The following FARP2 variants were observed in gnomAD, a reference collection of about 807,000 sequenced individuals.
The protein encoded by FARP2 is FERM, ARHGEF and pleckstrin domain-containing protein 2.
In FARP2, 111 loss-of-function variants were observed where a neutral mutation model predicts 130.5. The ratio of observed to expected loss-of-function variants is 0.85; its 90% CI spans 0.73 to 1.00. The LOEUF is 1.00. Ranked by LOEUF, FARP2 falls within the 50% of genes least tolerant of loss-of-function variation. FARP2 has a pLI of 0.00. For missense variants in FARP2, 1,385 were observed against 1,346.3 expected (o/e 1.03, Z -0.45); for synonymous variants, 504 against 516.9 (o/e 0.98, Z 0.34).
chr2:241,466,677 CCCCTT>C, intron 17 of FARP2: 1 of 829,102 alleles, frequency 1.2e-6, no homozygotes, highest in Non-Finnish European at 1.4e-6. Flanking sequence ...CGCCTTCACT[CCCCTT>C]CCAACCACCC....
chr2:241,375,535 G>A (rs2061517209), intron 2 of FARP2, among the ~76,000 whole-genome samples: 1 of 151,962 alleles, frequency 6.6e-6, no homozygotes, highest in Admixed American at 6.6e-5. Context: ...CCTTTACTGA[G>A]TATGAGTCAT....
At chr2:241,415,209 GCTC>G (rs1398346779) in intron 7 of FARP2, among the ~76,000 whole-genome samples, 7 of 152,160 alleles carry the variant, frequency 4.6e-5, no homozygotes, top group African/African-American at 1.7e-4. Context: ...TACAGGTAGA[GCTC>G]CTGCTCTATT....
chr2:241,479,209 G>A (rs2064552772), intron 19 of FARP2, among the ~76,000 whole-genome samples: 1 of 152,206 alleles, frequency 6.6e-6, no homozygotes. Context: ...ATTCTGGCCA[G>A]GTGGGTACTA....
At chr2:241,395,458 G>C (rs911747165) in intron 2 of FARP2, 1 of 152,096 alleles carries the variant, frequency 6.6e-6, no homozygotes, top group Non-Finnish European at 1.5e-5. Context: ...AAAAATAACA[G>C]GTCAGCCTCT....
At chr2:241,415,114 C>T (rs993459492) in intron 7 of FARP2, among the ~76,000 whole-genome samples, 3 of 152,188 alleles carry the variant, frequency 2.0e-5, no homozygotes, top group South Asian at 2.1e-4. Context: ...TCGGACATGA[C>T]GGTGTGGGGC....
At chr2:241,407,706 A>G (rs559493508) in intron 5 of FARP2, 91 bp downstream of exon 5, 4 of 962,536 alleles carry the variant, frequency 4.2e-6, no homozygotes, top group South Asian at 2.8e-5. Flanking sequence ...GAAAGAATGA[A>G]TAAGCCTGAT....
At chr2:241,394,568 G>A (rs1372491822) in intron 2 of FARP2, among the ~76,000 whole-genome samples, 3 of 150,178 alleles carry the variant, frequency 2.0e-5, no homozygotes, top group African/African-American at 7.3e-5. Context: ...ACTGAAAATA[G>A]AACTGATTAT....
At chr2:241,383,918 C>T (rs116680784) in intron 2 of FARP2, among the ~76,000 whole-genome samples, 2,376 of 152,112 alleles carry the variant, frequency 0.016, 28 homozygotes, top group Non-Finnish European at 0.024. Context: ...TGGGAAGAAG[C>T]GTTGTTGCTA....
Position 241,485,635 on chromosome 2 carries a change from A to C in FARP2, c.2421+1304A>C, listed in dbSNP as rs548304665. 4.2e-5 allele frequency among the ~76,000 whole-genome samples: 5 copies of C among 118,590 alleles called. No homozygotes were observed. The East Asian group carries it at 1.3e-3, about 31-fold the overall frequency. The allele number at this position is 118,590 out of a possible 152,430, so 77.8% of individuals were successfully genotyped here. A position where few individuals can be genotyped will look rare whatever the true frequency, so the allele number is the denominator to read the frequency against. ...TCTCCCTGGGATATTCCCTCCCTGG[A>C]GTCCTCCCTCCCTGAGGTCCTCCCT... On this transcript the variant is annotated intron_variant, in intron 21 of 26. Transcript: ENST00000264042.
intron 7 of FARP2, among the ~76,000 whole-genome samples, chr2:241,413,679 A>G (rs2062586821): frequency 1.3e-5 from 2 of 152,238 alleles, no homozygotes; most frequent in Non-Finnish European, 2.9e-5. Flanking sequence ...ACGGTGGCTC[A>G]TGCCTGTTAT....
chr2:241,403,174 A>G (rs937557264), intron 2 of FARP2, among the ~76,000 whole-genome samples: 13 of 151,716 alleles, frequency 8.6e-5, no homozygotes, highest in African/African-American at 3.1e-4. Flanking sequence ...GGGATCTTAT[A>G]TAAATAAAGA....
chr2:241,369,535 C>CT (rs1302730353), intron 1 of FARP2, among the ~76,000 whole-genome samples: 2 of 150,866 alleles, frequency 1.3e-5, no homozygotes, highest in South Asian at 2.1e-4. Context: ...TTAGTCTTGT[C>CT]TATTTTTTTT....
chr2:241,447,644 C>T (rs540703737), intron 13 of FARP2, among the ~76,000 whole-genome samples: 26 of 152,282 alleles, frequency 1.7e-4, no homozygotes, highest in Admixed American at 7.8e-4. Flanking sequence ...ACAAGAGACC[C>T]CTGCCCCAGA....
At chr2:241,396,819 C>T (rs1210047150) in intron 2 of FARP2, among the ~76,000 whole-genome samples, 1 of 152,090 alleles carries the variant, frequency 6.6e-6, no homozygotes, top group Non-Finnish European at 1.5e-5. Flanking sequence ...TTTGACCCAG[C>T]CATCCCATTA....
intron 9 of FARP2, among the ~76,000 whole-genome samples, chr2:241,433,933 G>T (rs917500404): frequency 6.6e-6 from 1 of 152,140 alleles, no homozygotes; most frequent in Non-Finnish European, 1.5e-5. Flanking sequence ...GGAGGGGAGC[G>T]GCTGAGGTGG....
rs2055569 is a variant in FARP2, at chr2:241,462,024, C to T, written c.1588-499C>T. On this transcript the variant is annotated intron_variant, in intron 14 of 26. Transcript: ENST00000264042. ...GAGATAGCCCTGCCAGCTATAGGAT[C>T]GCTCAGGGCTGGGCTGTCTCTAGCA... 4.0e-4 allele frequency among the ~76,000 whole-genome samples: 61 copies of T among 152,270 alleles called. 1 individual carries two copies. The highest frequency in any genetic ancestry group is 1.3e-3 in the African/African-American group (54 of 41,560).
At chr2:241,461,436 C>A (rs376318053) in intron 14 of FARP2, among the ~76,000 whole-genome samples, 1 of 152,074 alleles carries the variant, frequency 6.6e-6, no homozygotes, top group East Asian at 1.9e-4. Flanking sequence ...CCTGCTTCCC[C>A]ACCAATAGCC....
At chr2:241,492,021 C>T (rs1482350205) in intron 24 of FARP2, among the ~76,000 whole-genome samples, 1 of 152,190 alleles carries the variant, frequency 6.6e-6, no homozygotes, top group East Asian at 1.9e-4. Context: ...TCACCTCGGG[C>T]TTGGAGCTCG....
intron 8 of FARP2, among the ~76,000 whole-genome samples, chr2:241,424,938 G>T (rs2062894647): frequency 6.6e-6 from 1 of 152,190 alleles, no homozygotes; most frequent in Non-Finnish European, 1.5e-5. Context: ...GCTAGACACA[G>T]TGGCTCACGT....
Sources: allele counts gnomAD v4.1 joint callset (sites outside exome capture counted in the v4.1 genomes callset), GRCh38; gene constraint gnomAD v4.1.1; transcripts MANE v1.5; gene names NCBI Gene and HGNC (gene_info 2026-07-23, HGNC 2026-07-21).